The following PHF24 variants were observed in gnomAD, a reference collection of about 807,000 sequenced individuals.
PHF24 encodes Galpha inhibitory interacting protein.
In PHF24, 25 loss-of-function variants were observed where a neutral mutation model predicts 42.6. That is an observed-to-expected ratio of 0.59 (90% confidence interval 0.43 to 0.82). The LOEUF (loss-of-function observed/expected upper bound fraction) is 0.82, where lower values mean the gene tolerates loss of function less well. Among genes scored for constraint, PHF24 ranks in the 40% least tolerant of loss-of-function variants. The pLI, the probability that PHF24 is intolerant of heterozygous loss-of-function variation, is 0.00. For synonymous variants in PHF24, 185 were observed against 204.8 expected (o/e 0.90, Z 0.83); for missense variants, 470 against 538.1 (o/e 0.87, Z 1.25).
the PHF24 span, among the ~76,000 whole-genome samples, chr9:34,877,169 TACTCGG>T: frequency 6.6e-6 from 1 of 151,292 alleles, no homozygotes; most frequent in Admixed American, 6.6e-5. Flanking sequence ...TAATCCCAGC[TACTCGG>T]GAGGCTGAGG....
chr9:34,756,944 T>A, the PHF24 span, among the ~76,000 whole-genome samples: 1 of 152,144 alleles, frequency 6.6e-6, no homozygotes, highest in Non-Finnish European at 1.5e-5. Context: ...TCTTGCTCTG[T>A]CACCCAGGCT....
the PHF24 span, chr9:34,889,095 G>A: frequency 1.3e-5 from 5 of 398,576 alleles, no homozygotes; most frequent in Admixed American, 1.8e-4. Context: ...TATATTTGGA[G>A]AATGCCCTGC....
At chr9:34,925,511 G>A in the PHF24 span, among the ~76,000 whole-genome samples, 1 of 151,884 alleles carries the variant, frequency 6.6e-6, no homozygotes, top group Non-Finnish European at 1.5e-5. Flanking sequence ...GCTTTATAGT[G>A]TGCCAAAAAT....
At chr9:34,731,231 T>C in the PHF24 span, among the ~76,000 whole-genome samples, 18,815 of 152,218 alleles carry the variant, frequency 0.12, 1,262 homozygotes, top group Middle Eastern at 0.24. Flanking sequence ...CACATCAGGG[T>C]AAATGGGGTA....
upstream of PHF24, among the ~76,000 whole-genome samples, chr9:34,954,514 G>T (rs1826326698): frequency 6.6e-6 from 1 of 152,138 alleles, no homozygotes; most frequent in South Asian, 2.1e-4. Context: ...CAAGCAAAAA[G>T]GTTGCACAGA....
At chr9:34,771,878 A>G in the PHF24 span, among the ~76,000 whole-genome samples, 113,529 of 152,112 alleles carry the variant, frequency 0.75, 43,595 homozygotes, top group Non-Finnish European at 0.85. Context: ...GCTTCAGTCA[A>G]ACAGATCAAT....
chr9:34,977,916 C>T lies in PHF24; in HGVS notation c.1107-99C>T, dbSNP rs377598957. The T allele has an allele frequency of 2.8e-4, 263 of 929,088 alleles. 5 individuals are homozygous for T. The highest frequency in any genetic ancestry group is 2.6e-3 in the South Asian group (193 of 73,734). 57.6% of individuals were successfully genotyped at this position (929,088 alleles called of 1,614,324 possible). A position where few individuals can be genotyped will look rare whatever the true frequency, so the allele number is the denominator to read the frequency against. ...GCTGCCCCTGGGATCAGGGCTCACG[C>T]GTCTTCAAACCAGCCTCCTCAAGCC... On this transcript the variant is annotated intron_variant, in intron 7 of 7. Coordinates refer to ENST00000242315, the Ensembl canonical transcript of PHF24.
At chr9:34,809,625 G>A in the PHF24 span, among the ~76,000 whole-genome samples, 1 of 152,218 alleles carries the variant, frequency 6.6e-6, no homozygotes, top group Admixed American at 6.5e-5. The surrounding 1 kb of genome is among the most constrained non-coding windows in gnomAD (Gnocchi z 4.1). Context: ...TGGAGGCCTA[G>A]GGTGGGCAGC....
the PHF24 span, among the ~76,000 whole-genome samples, chr9:34,851,037 C>T: frequency 6.6e-6 from 1 of 151,926 alleles, no homozygotes; most frequent in East Asian, 1.9e-4. Context: ...TTAGGCTGCT[C>T]GGGGGTCAGG....
At chr9:34,932,511 T>C in the PHF24 span, among the ~76,000 whole-genome samples, 1 of 152,196 alleles carries the variant, frequency 6.6e-6, no homozygotes, top group Non-Finnish European at 1.5e-5. Context: ...CACTGTTGAA[T>C]ATCCCATGGA....
At chr9:34,710,553 C>T in the PHF24 span, among the ~76,000 whole-genome samples, 83 of 150,734 alleles carry the variant, frequency 5.5e-4, no homozygotes, top group Admixed American at 1.1e-3. Flanking sequence ...CTGAAATCTC[C>T]GCCTCCTGGG....
the PHF24 span, among the ~76,000 whole-genome samples, chr9:34,844,620 G>T: frequency 6.6e-6 from 1 of 152,040 alleles, no homozygotes; most frequent in Admixed American, 6.6e-5. Flanking sequence ...ACAAGTTCTA[G>T]TTTTATACCA....
the PHF24 span, among the ~76,000 whole-genome samples, chr9:34,780,290 C>CTTT: frequency 1.2e-3 from 133 of 113,916 alleles, 8 homozygotes; most frequent in African/African-American, 2.8e-3. Flanking sequence ...TCTTTTTTTT[C>CTTT]TTTTTTTCTT....
At chr9:34,679,715 A>G in the PHF24 span, among the ~76,000 whole-genome samples, 1 of 152,218 alleles carries the variant, frequency 6.6e-6, no homozygotes, top group Non-Finnish European at 1.5e-5. Context: ...CGCCTTCTCA[A>G]AAAACTTCCA....
chr9:34,845,424 T>C, the PHF24 span, among the ~76,000 whole-genome samples: 1 of 152,090 alleles, frequency 6.6e-6, no homozygotes, highest in South Asian at 2.1e-4. Flanking sequence ...CTTGTTGTCG[T>C]CTGTTGAGGT....
chr9:34,732,822 C>A, the PHF24 span, among the ~76,000 whole-genome samples: 1 of 152,090 alleles, frequency 6.6e-6, no homozygotes, highest in Non-Finnish European at 1.5e-5. Flanking sequence ...ATACTGTTTT[C>A]CCTTTTCTTT....
At chr9:34,701,688 C>G in the PHF24 span, among the ~76,000 whole-genome samples, 1 of 151,980 alleles carries the variant, frequency 6.6e-6, no homozygotes, top group African/African-American at 2.4e-5. The surrounding 1 kb of genome is among the most constrained non-coding windows in gnomAD (Gnocchi z 5.8). Flanking sequence ...TGGGTGGTGC[C>G]CGCGCATCCG....
chr9:34,809,048 AAT>A, the PHF24 span, among the ~76,000 whole-genome samples: 8,496 of 57,972 alleles, frequency 0.15, 778 homozygotes, highest in African/African-American at 0.29. The surrounding 1 kb of genome is among the most constrained non-coding windows in gnomAD (Gnocchi z 4.1). Context: ...AAAAAAAAAA[AAT>A]AATAAATAAA....
chr9:34,763,555 G>T, the PHF24 span, among the ~76,000 whole-genome samples: 28,977 of 151,982 alleles, frequency 0.19, 3,177 homozygotes, highest in African/African-American at 0.29. Flanking sequence ...TTTGTATCGT[G>T]AGACTTTGCT....
Sources: allele counts gnomAD v4.1 joint callset (sites outside exome capture counted in the v4.1 genomes callset), GRCh38; gene constraint gnomAD v4.1.1; non-coding constraint Gnocchi (gnomAD v3.1); transcripts MANE v1.5; gene names NCBI Gene and HGNC (gene_info 2026-07-23, HGNC 2026-07-21).